Variants in ZNF419 observed in about 807,000 individuals in gnomAD.
ZNF419 encodes zinc finger protein 419A.
Under a neutral mutation model 14.9 loss-of-function variants are expected in ZNF419, and 8 were observed. The observed-to-expected ratio is 0.54, with a 90% confidence interval of 0.32 to 0.97. ZNF419 has a LOEUF of 0.97. Among genes scored for constraint, ZNF419 ranks in the 50% least tolerant of loss-of-function variants. The pLI, the probability that ZNF419 is intolerant of heterozygous loss-of-function variation, is 0.04. For synonymous variants in ZNF419, 211 were observed against 205.3 expected (o/e 1.03, Z -0.24); for missense variants, 595 against 607.2 (o/e 0.98, Z 0.21).
chr19:57,489,886 A>G, intron 1 of ZNF419: 1 of 485,594 alleles, frequency 2.1e-6, no homozygotes. Context: ...ACTTAGTCCT[A>G]GACACATAAG....
chr19:57,493,756 A>C lies in ZNF419; in HGVS notation c.1199A>C (p.Lys400Thr), dbSNP rs200239744. Residue 400 changes from lysine (K) to threonine (T), a missense_variant, in exon 5 of 5, where the codon AAG becomes ACG. Coordinates refer to ENST00000221735, the MANE Select transcript of ZNF419 (RefSeq NM_024691.4). ...QKVHTGEKPF[K>T]CNECGRFFRE... Reference sequence around the variant, plus strand: ...GTTCACACTGGAGAAAAGCCTTTTAAGTGCAATGAATGTGGGAGATTCTTT... The same window carrying C: ...GTTCACACTGGAGAAAAGCCTTTTACGTGCAATGAATGTGGGAGATTCTTT... 2.0e-4 allele frequency: 325 copies of C among 1,614,194 alleles called. No homozygotes were observed. The highest frequency in any genetic ancestry group is 4.9e-4 in the Middle Eastern group (3 of 6,062).
chr19:57,492,216 T>G lies in ZNF419; in HGVS notation c.298+5T>G, dbSNP rs1466537607. 5.0e-6 allele frequency: 8 copies of G among 1,614,084 alleles called. No individual in the cohort carries two copies. Among genetic ancestry groups the G allele is most frequent in the Non-Finnish European group, 6.8e-6 (8 of 1,179,980 alleles). Reference sequence around the variant, plus strand: ...TGACTTCAGCCATACCGAGAGGTAGTTGGTGGGTGGAGCTCAGGGAGGTGT... The same window carrying G: ...TGACTTCAGCCATACCGAGAGGTAGGTGGTGGGTGGAGCTCAGGGAGGTGT... On this transcript the variant is annotated splice_donor_5th_base_variant and intron_variant, in intron 4 of 4. Coordinates refer to ENST00000221735, the MANE Select transcript of ZNF419 (RefSeq NM_024691.4).
intron 4 of ZNF419, 22 bp from the exon 5 acceptor site, chr19:57,492,834 T>A (rs777259277): frequency 1.4e-5 from 22 of 1,613,340 alleles, no homozygotes; most frequent in Non-Finnish European, 1.8e-5. Flanking sequence ...CATTTACTTC[T>A]TCAACATTTA....
intron 4 of ZNF419, 86 bp downstream of exon 4, chr19:57,492,297 G>A (rs760873652): frequency 1.4e-6 from 2 of 1,424,506 alleles, no homozygotes; most frequent in East Asian, 2.3e-5. Context: ...TGATACCAAG[G>A]CAAGGGGTTG....
intron 4 of ZNF419, chr19:57,492,639 A>G: frequency 9.1e-6 from 7 of 772,112 alleles, no homozygotes; most frequent in Non-Finnish European, 1.4e-5. Context: ...GCTATACCCC[A>G]TCCTTGCATC....
At position 57,487,770 on chromosome 19, in the gene ZNF419, A is replaced by T. The variant is rs111825322; in HGVS notation, c.-181A>T. 3.3e-3 allele frequency: 2,608 copies of T among 791,604 alleles called. 49 individuals carry two copies. The African/African-American group carries it at 0.038, about 11-fold the overall frequency. 49.0% of individuals were successfully genotyped at this position (791,604 alleles called of 1,614,324 possible). On this transcript the variant is annotated 5_prime_UTR_variant, in exon 1 of 5. Coordinates refer to ENST00000221735, the MANE Select transcript of ZNF419 (RefSeq NM_024691.4). ...CGTTTGGTATTCACTTTCGCGACTC[A>T]GGTGAACTAACCTGCGAGAAGCTGG...
In ZNF419 at chr19:57,494,798, T is replaced by C. The variant is rs1410704062; in HGVS notation, c.*708T>C. On this transcript the variant is annotated 3_prime_UTR_variant, in exon 5 of 5. Coordinates refer to ENST00000221735, the MANE Select transcript of ZNF419 (RefSeq NM_024691.4). The stretch of plus-strand genomic sequence containing the variant: ...CCAAATGTTTCAAATTTTAAGAACT[T>C]GCCAAATTGTGTTCTAAATGGTTAG... 2.3e-5 allele frequency: 4 copies of C among 172,974 alleles called. No individual in the cohort carries two copies. The Admixed American group carries it at 2.5e-4, about 11-fold the overall frequency. 10.7% of individuals were successfully genotyped at this position (172,974 alleles called of 1,614,324 possible).
In ZNF419 at chr19:57,487,817, G is replaced by C. The variant is rs2089388356; in HGVS notation, c.-134G>C. On this transcript the variant is annotated 5_prime_UTR_variant, in exon 1 of 5. Coordinates refer to ENST00000221735, the MANE Select transcript of ZNF419 (RefSeq NM_024691.4). ...CTGGTTGTGCGCTGAGGCGACCAGC[G>C]CCGGAAGGCACGGTGGCGACTCACG... 4 of 1,340,460 alleles carry C rather than the reference G, an allele frequency of 3.0e-6. No homozygotes were observed. Among genetic ancestry groups the C allele is most frequent in the Non-Finnish European group, 4.2e-6 (4 of 943,036 alleles). 83.0% of individuals were successfully genotyped at this position (1,340,460 alleles called of 1,614,324 possible).
chr19:57,490,228 A>G (rs772347876), intron 2 of ZNF419, 43 bp downstream of exon 2: 6 of 1,589,206 alleles, frequency 3.8e-6, no homozygotes, highest in Non-Finnish European at 5.2e-6. Flanking sequence ...CTGCACTCCT[A>G]CCTACATGGT....
At chr19:57,491,112 T>C (rs2089471151) in intron 2 of ZNF419, 1 of 273,388 alleles carries the variant, frequency 3.7e-6, no homozygotes, top group Admixed American at 4.7e-5. Context: ...GTGCACATTC[T>C]AATAAGTGTA....
At chr19:57,490,993 G>A (rs572341147) in intron 2 of ZNF419, 2 of 166,800 alleles carry the variant, frequency 1.2e-5, no homozygotes, top group South Asian at 1.5e-4. Flanking sequence ...ACGGAGTTCT[G>A]ATTGCATTTG....
intron 2 of ZNF419, chr19:57,490,650 C>G (rs2089460763): frequency 6.4e-6 from 1 of 156,368 alleles, no homozygotes; most frequent in Non-Finnish European, 1.4e-5. Flanking sequence ...GTGCCCAACC[C>G]AGACTATGTA....
rs768257721 is a variant in ZNF419, at chr19:57,495,999, T to C, written c.*1909T>C. On this transcript the variant is annotated 3_prime_UTR_variant, in exon 5 of 5. Coordinates refer to ENST00000221735, the MANE Select transcript of ZNF419 (RefSeq NM_024691.4). Reference sequence around the variant, plus strand: ...TTTAATAAAAGGAACCAGAACTCCTTAGAGAAGAGGCTGTTTTCAAGTTGT... The same window carrying C: ...TTTAATAAAAGGAACCAGAACTCCTCAGAGAAGAGGCTGTTTTCAAGTTGT... 2 of 152,158 alleles carry C rather than the reference T, an allele frequency of 1.3e-5. No individual in the cohort carries two copies. The highest frequency in any genetic ancestry group is 2.4e-5 in the African/African-American group (1 of 41,432). 9.4% of individuals were successfully genotyped at this position (152,158 alleles called of 1,614,324 possible).
In ZNF419 at chr19:57,493,972, A is replaced by C. The variant is rs1238225222; in HGVS notation, c.1415A>C (p.Lys472Thr). ...TTTAGAGAGAATTCCAGCCTTGTTA[A>C]ACATCAGAGGGTTCACACTGGAGCA... ...RLFRENSSLV[K>T]HQRVHTGAKP... Residue 472 changes from lysine to threonine, a missense_variant, in exon 5 of 5, where the codon AAA becomes ACA. Physicochemically the swap from Lys to Thr is moderately conservative, Grantham distance 78 (BLOSUM62 -1). Coordinates refer to ENST00000221735, the MANE Select transcript of ZNF419 (RefSeq NM_024691.4). 7 of 1,601,048 alleles carry C rather than the reference A, an allele frequency of 4.4e-6. No homozygotes were observed. Among genetic ancestry groups the C allele is most frequent in the Admixed American group, 3.4e-5 (2 of 58,990 alleles).
intron 2 of ZNF419, chr19:57,491,217 G>A (rs1294151957): frequency 1.8e-6 from 1 of 553,246 alleles, no homozygotes; most frequent in South Asian, 2.3e-5. Context: ...GGGATCCAAG[G>A]TAAATTGTCT....
In ZNF419 at chr19:57,495,059, T is replaced by C. The variant is rs2089592436; in HGVS notation, c.*969T>C. The C allele has an allele frequency of 6.6e-6, 1 of 152,282 alleles. No homozygotes were observed. Among genetic ancestry groups the C allele is most frequent in the South Asian group, 2.1e-4 (1 of 4,834 alleles). The allele number at this position is 152,282 out of a possible 1,614,324, so 9.4% of individuals were successfully genotyped here. A position where few individuals can be genotyped will look rare whatever the true frequency, so the allele number is the denominator to read the frequency against. ...TCAAATGTATTTTTTGCCTGTTTTTTAAAACATTTGGTTGGTTACAAGTTC... is the reference window on the plus strand; with the variant it reads ...TCAAATGTATTTTTTGCCTGTTTTTCAAAACATTTGGTTGGTTACAAGTTC... On this transcript the variant is annotated 3_prime_UTR_variant, in exon 5 of 5. Transcript: ENST00000221735.
chr19:57,491,556 G>A lies in ZNF419; in HGVS notation c.158G>A (p.Arg53His), dbSNP rs145680611. 0.021 allele frequency: 33,144 copies of A among 1,613,976 alleles called. 426 individuals carry two copies. The highest frequency in any genetic ancestry group is 0.023 in the Non-Finnish European group (27,224 of 1,179,960). Residue 53 changes from arginine (R) to histidine (H), a missense_variant, in exon 3 of 5, where the codon CGC (arginine) becomes CAC (histidine). Coordinates refer to ENST00000221735, the MANE Select transcript of ZNF419 (RefSeq NM_024691.4). The stretch of plus-strand genomic sequence containing the variant: ...GATGACGCTCAGAGGCTCCTCTACC[G>A]CAATGTGATGCTGGAGAACTTTACA... ...LLDDAQRLLYRNVMLENFTLL... is the reference protein window; with the variant it reads ...LLDDAQRLLYHNVMLENFTLL...
Position 57,495,458 on chromosome 19 carries a change from G to C in ZNF419, c.*1368G>C, listed in dbSNP as rs1054703600. ...AATAAAAGCCTTGACTGAGTGCGGT[G>C]GCTCACGCCTGTAATCCCAACACTT... On this transcript the variant is annotated 3_prime_UTR_variant, in exon 5 of 5. Coordinates refer to ENST00000221735, the MANE Select transcript of ZNF419 (RefSeq NM_024691.4). The C allele has an allele frequency of 6.6e-6, 1 of 152,196 alleles. No individual in the cohort carries two copies. The highest frequency in any genetic ancestry group is 6.5e-5 in the Admixed American group (1 of 15,286). The allele number at this position is 152,196 out of a possible 1,614,324, so 9.4% of individuals were successfully genotyped here. A position where few individuals can be genotyped will look rare whatever the true frequency, so the allele number is the denominator to read the frequency against.
intron 2 of ZNF419, 30 bp downstream of exon 2, chr19:57,490,215 C>T (rs2089451707): frequency 1.2e-6 from 2 of 1,604,724 alleles, no homozygotes; most frequent in African/African-American, 2.7e-5. Flanking sequence ...GGTCCTCACA[C>T]TCCTGCACTC....
Sources: gnomAD v4.1 joint callset for allele counts on GRCh38, gnomAD v4.1.1 for gene constraint, MANE v1.5 for transcripts, NCBI Gene and HGNC (gene_info 2026-07-23, HGNC 2026-07-21) for gene names.